ZNF385B: variants seen among roughly 807,000 people sequenced by gnomAD.
ZNF385B encodes zinc finger protein 533.
A neutral mutation model predicts 39.2 loss-of-function variants in ZNF385B; 23 were observed. The ratio of observed to expected loss-of-function variants is 0.59; its 90% CI spans 0.42 to 0.83. The LOEUF is 0.83. ZNF385B is among the 40% of genes least tolerant of loss of function. ZNF385B has a pLI of 0.00. For synonymous variants in ZNF385B, 205 were observed against 222.6 expected (o/e 0.92, Z 0.70); for missense variants, 552 against 598.9 (o/e 0.92, Z 0.82).
chr2:179,529,733 T>C (rs1345161962), intron 4 of ZNF385B, among the ~76,000 whole-genome samples: 2 of 152,164 alleles, frequency 1.3e-5, no homozygotes, highest in Admixed American at 6.5e-5. Flanking sequence ...AAAGTACTTA[T>C]ACTTTATACT....
chr2:179,858,698 A>G (rs1439308331), intron 1 of ZNF385B, among the ~76,000 whole-genome samples: 1 of 152,096 alleles, frequency 6.6e-6, no homozygotes, highest in East Asian at 1.9e-4. Flanking sequence ...TAAAAACCAG[A>G]GACACATAAA....
chr2:179,561,221 G>T (rs1305253365), intron 3 of ZNF385B, among the ~76,000 whole-genome samples: 1 of 152,132 alleles, frequency 6.6e-6, no homozygotes, highest in African/African-American at 2.4e-5. Context: ...TGAAGAAAAT[G>T]ATGCTTGGGA....
At chr2:179,854,489 T>TA (rs1684425256) in intron 1 of ZNF385B, among the ~76,000 whole-genome samples, 1 of 150,974 alleles carries the variant, frequency 6.6e-6, no homozygotes, top group African/African-American at 2.4e-5. Context: ...GCAAAAACTG[T>TA]AACTACTTTT....
chr2:179,751,788 C>T (rs115140880), intron 3 of ZNF385B, among the ~76,000 whole-genome samples: 1,871 of 152,164 alleles, frequency 0.012, 44 homozygotes, highest in African/African-American at 0.042. Flanking sequence ...TCCATTCCCA[C>T]ATCCAAACTA....
chr2:179,456,574 A>T (rs2050730660), intron 6 of ZNF385B, among the ~76,000 whole-genome samples: 1 of 152,232 alleles, frequency 6.6e-6, no homozygotes, highest in African/African-American at 2.4e-5. Flanking sequence ...CTAAAGTAAA[A>T]AACTTTATAA....
chr2:179,505,566 C>T (rs9288037), intron 5 of ZNF385B, among the ~76,000 whole-genome samples: 128,993 of 152,050 alleles, frequency 0.85, 54,877 homozygotes, highest in East Asian at 0.92. Context: ...AACTGGGTAA[C>T]CACCTTAAGC....
chr2:179,562,954 T>A (rs755284952), intron 3 of ZNF385B, among the ~76,000 whole-genome samples: 1 of 152,186 alleles, frequency 6.6e-6, no homozygotes. Context: ...ACTTTATTTA[T>A]ATTCTGTTAG....
At chr2:179,658,117 T>C (rs1248662679) in intron 3 of ZNF385B, among the ~76,000 whole-genome samples, 2 of 152,346 alleles carry the variant, frequency 1.3e-5, no homozygotes, top group Non-Finnish European at 2.9e-5. Flanking sequence ...GGATCCCTTT[T>C]AAAAAATATG....
At position 179,444,938 on chromosome 2, in the gene ZNF385B, T is replaced by G. The variant is rs997298277; in HGVS notation, c.1180A>C (p.Lys394Gln). The G allele has an allele frequency of 6.2e-7, 1 of 1,614,184 alleles. No homozygotes were observed. ...GGGCTGTATTTTGGCTTCAGTGGTT[T>G]CCCTGCAACTCGATCTTTATGCCTT... ...SRRHKDRVAG[K>Q]PLKPKYSPYN... The change falls in exon 9 of 10, where the codon AAA becomes CAA. Residue 394 changes from lysine (K) to glutamine (Q), a missense_variant. Coordinates refer to ENST00000410066, the MANE Select transcript of ZNF385B (RefSeq NM_152520.6).
chr2:179,717,417 G>T (rs1700399204), intron 3 of ZNF385B, among the ~76,000 whole-genome samples: 1 of 152,172 alleles, frequency 6.6e-6, no homozygotes, highest in South Asian at 2.1e-4. Context: ...GGGAGGGAGA[G>T]AGGGAGAGAC....
intron 6 of ZNF385B, among the ~76,000 whole-genome samples, chr2:179,470,100 G>A (rs900457944): frequency 1.2e-4 from 18 of 152,164 alleles, no homozygotes; most frequent in East Asian, 3.9e-4. Flanking sequence ...CTACCCCACC[G>A]CAGGCCATGC....
chr2:179,762,232 C>T (rs2106489992), intron 3 of ZNF385B, among the ~76,000 whole-genome samples: 1 of 152,184 alleles, frequency 6.6e-6, no homozygotes, highest in East Asian at 1.9e-4. Flanking sequence ...CTCTGTTGCC[C>T]AGGCTGGAGT....
At chr2:179,641,185 T>C (rs1326786980) in intron 3 of ZNF385B, among the ~76,000 whole-genome samples, 2 of 105,210 alleles carry the variant, frequency 1.9e-5, no homozygotes, top group East Asian at 2.5e-4. Flanking sequence ...CAGGTGTGTT[T>C]GGTCCTAGCC....
chr2:179,828,833 T>A (rs577076957), intron 1 of ZNF385B, among the ~76,000 whole-genome samples: 9 of 152,318 alleles, frequency 5.9e-5, no homozygotes, highest in Admixed American at 5.2e-4. Context: ...CTAGAAATAT[T>A]TCCAGAGATC....
At chr2:179,664,965 A>C (rs995244021) in intron 3 of ZNF385B, among the ~76,000 whole-genome samples, 1 of 152,210 alleles carries the variant, frequency 6.6e-6, no homozygotes, top group African/African-American at 2.4e-5. Context: ...TTGACTATGA[A>C]AAAAATTTTA....
rs565057198 is a variant in ZNF385B at position 179,553,560 on chromosome 2, A to G, written c.299-8591T>C. Among the ~76,000 whole-genome samples, 28 of 148,874 alleles carry G rather than the reference A, an allele frequency of 1.9e-4. 1 individual carries two copies. The South Asian group carries it at 6.0e-3, about 32-fold the overall frequency. ...ATATTTATATTATTATTCCCATTTTACAGATGAGAAAGGTGAGGTTTAGAG... is the reference window on the plus strand; with the variant it reads ...ATATTTATATTATTATTCCCATTTTGCAGATGAGAAAGGTGAGGTTTAGAG... On this transcript the variant is annotated intron_variant, in intron 3 of 9. Transcript: ENST00000410066.
intron 3 of ZNF385B, among the ~76,000 whole-genome samples, chr2:179,707,069 C>T (rs922396698): frequency 3.3e-5 from 5 of 152,178 alleles, no homozygotes; most frequent in African/African-American, 1.2e-4. Context: ...CCTGTCCTAG[C>T]TGCACATCCA....
intron 3 of ZNF385B, among the ~76,000 whole-genome samples, chr2:179,709,669 A>G (rs1052010257): frequency 6.6e-6 from 1 of 152,162 alleles, no homozygotes; most frequent in African/African-American, 2.4e-5. Context: ...GGGGCCTGCT[A>G]CTACTAAATA....
At chr2:179,836,204 A>G (rs568462765) in intron 1 of ZNF385B, among the ~76,000 whole-genome samples, 4 of 152,214 alleles carry the variant, frequency 2.6e-5, no homozygotes, top group South Asian at 2.1e-4. Context: ...GTGAGAAATT[A>G]TCATGTTTAT....
Sources: allele counts gnomAD v4.1 joint callset (sites outside exome capture counted in the v4.1 genomes callset), GRCh38; gene constraint gnomAD v4.1.1; transcripts MANE v1.5; gene names NCBI Gene and HGNC (gene_info 2026-07-23, HGNC 2026-07-21).